The following LPP variants were observed in gnomAD, a reference collection of about 807,000 sequenced individuals.
LPP encodes the protein LIM domain containing preferred translocation partner in lipoma.
LPP carries 38 observed loss-of-function variants against 60.4 expected under a neutral mutation model. The ratio of observed to expected loss-of-function variants is 0.63; its 90% CI spans 0.49 to 0.83. The LOEUF is 0.83. Ranked by LOEUF, LPP falls within the 40% of genes least tolerant of loss-of-function variation. LPP has a pLI of 0.00. For missense variants in LPP, 902 were observed against 783.6 expected, an observed-to-expected ratio of 1.15 and a Z score of -1.80; for synonymous variants, 328 against 290.8, an observed-to-expected ratio of 1.13 and a Z score of -1.30.
chr3:188,471,010 G>A (rs1801707206), intron 4 of LPP, among the ~76,000 whole-genome samples: 1 of 152,154 alleles, frequency 6.6e-6, no homozygotes, highest in Non-Finnish European at 1.5e-5. Context: ...TTTTCAGAAT[G>A]AGATCTTGTC....
At chr3:188,866,411 C>T in intron 10 of LPP, 33 bp downstream of exon 10, 1 of 1,402,740 alleles carries the variant, frequency 7.1e-7, no homozygotes, top group South Asian at 1.8e-5. Flanking sequence ...ACCACCCTGC[C>T]AGTCCTTTTG....
At chr3:188,383,136 T>G (rs1560330077) in intron 3 of LPP, among the ~76,000 whole-genome samples, 1 of 152,196 alleles carries the variant, frequency 6.6e-6, no homozygotes, top group African/African-American at 2.4e-5. Flanking sequence ...ATTTTTAAAG[T>G]TTTTTGGATG....
intron 2 of LPP, among the ~76,000 whole-genome samples, chr3:188,327,139 A>T (rs1758641238): frequency 6.6e-6 from 1 of 152,158 alleles, no homozygotes; most frequent in South Asian, 2.1e-4. Context: ...TACAACACTG[A>T]TTTCATTCCT....
chr3:188,611,886 A>G (rs952553810), intron 7 of LPP, among the ~76,000 whole-genome samples: 7 of 152,178 alleles, frequency 4.6e-5, no homozygotes, highest in African/African-American at 1.7e-4. Context: ...CACTGCTAGA[A>G]CTGGATCTAA....
At chr3:188,766,946 T>C (rs58874247) in intron 9 of LPP, among the ~76,000 whole-genome samples, 46,425 of 152,042 alleles carry the variant, frequency 0.31, 7,457 homozygotes, top group South Asian at 0.56. Flanking sequence ...CCTTAACTAT[T>C]GGTTAGTACC....
At chr3:188,257,809 G>A (rs1577628909) in intron 2 of LPP, among the ~76,000 whole-genome samples, 1 of 152,316 alleles carries the variant, frequency 6.6e-6, no homozygotes, top group Non-Finnish European at 1.5e-5. Flanking sequence ...TTGCAAATAA[G>A]GAACTGGGGC....
intron 2 of LPP, among the ~76,000 whole-genome samples, chr3:188,323,410 T>G (rs889170866): frequency 3.3e-5 from 5 of 152,192 alleles, no homozygotes; most frequent in Admixed American, 6.5e-5. Context: ...ACCATGCATC[T>G]TCACAGATGA....
intron 2 of LPP, among the ~76,000 whole-genome samples, chr3:188,308,541 A>G (rs747807015): frequency 6.6e-6 from 1 of 152,192 alleles, no homozygotes; most frequent in African/African-American, 2.4e-5. Flanking sequence ...AACAACTGCT[A>G]TGGCCCAGGC....
intron 2 of LPP, among the ~76,000 whole-genome samples, chr3:188,245,690 TGTGTGTGCCCTGC>T (rs1165113818): frequency 6.6e-6 from 1 of 152,050 alleles, no homozygotes; most frequent in African/African-American, 2.4e-5. Flanking sequence ...ACGTTGCATT[TGTGTGTGCCCTGC>T]TTTTATTTAT....
intron 4 of LPP, among the ~76,000 whole-genome samples, chr3:188,451,389 C>T (rs1201470607): frequency 6.6e-6 from 1 of 152,144 alleles, no homozygotes; most frequent in Non-Finnish European, 1.5e-5. Flanking sequence ...GGAAAAAAAT[C>T]TCTTGAAAAT....
At chr3:188,394,653 T>A (rs75818338) in intron 3 of LPP, among the ~76,000 whole-genome samples, 1,570 of 152,168 alleles carry the variant, frequency 0.01, 32 homozygotes, top group African/African-American at 0.035. Context: ...TTTATATTTT[T>A]ACACAGTGGT....
chr3:188,522,276 A>T (rs1047551607), intron 5 of LPP, among the ~76,000 whole-genome samples: 3 of 152,194 alleles, frequency 2.0e-5, no homozygotes, highest in African/African-American at 7.2e-5. Context: ...TATCAATTTC[A>T]CAAGGCTAGC....
chr3:188,656,835 C>G (rs1853328022), intron 7 of LPP, among the ~76,000 whole-genome samples: 1 of 152,154 alleles, frequency 6.6e-6, no homozygotes, highest in African/African-American at 2.4e-5. Context: ...TGCCCAATAG[C>G]TCTGTGAAAG....
intron 8 of LPP, among the ~76,000 whole-genome samples, chr3:188,748,157 T>C (rs908788270): frequency 6.6e-6 from 1 of 152,202 alleles, no homozygotes. Flanking sequence ...AAATTTATTT[T>C]ACAGCAGTTT....
chr3:188,657,445 A>G (rs1853545946), intron 7 of LPP, among the ~76,000 whole-genome samples: 1 of 151,946 alleles, frequency 6.6e-6, no homozygotes, highest in Non-Finnish European at 1.5e-5. Context: ...TCGACATTAT[A>G]AATCATTGAT....
At chr3:188,651,532 A>T (rs1458339034) in intron 7 of LPP, among the ~76,000 whole-genome samples, 3 of 152,218 alleles carry the variant, frequency 2.0e-5, no homozygotes, top group Admixed American at 6.5e-5. Flanking sequence ...CACGCTGCTG[A>T]TAAAGACATA....
At chr3:188,865,090 C>T (rs911503573) in intron 9 of LPP, among the ~76,000 whole-genome samples, 10 of 152,186 alleles carry the variant, frequency 6.6e-5, no homozygotes, top group South Asian at 2.1e-4. Flanking sequence ...AGATCCACAT[C>T]CCGGGTTTAT....
At chr3:188,510,324 T>C (rs1815079424) in intron 5 of LPP, among the ~76,000 whole-genome samples, 2 of 151,908 alleles carry the variant, frequency 1.3e-5, no homozygotes. Context: ...GTGTACGTGC[T>C]CCAATAACCC....
intron 2 of LPP, among the ~76,000 whole-genome samples, chr3:188,284,105 A>G (rs748175736): frequency 9.2e-5 from 14 of 152,140 alleles, no homozygotes; most frequent in Non-Finnish European, 1.9e-4. Context: ...TAAAATCAGC[A>G]TCTCGGCCGG....
Sources: gnomAD v4.1 joint callset for allele counts (sites outside exome capture counted in the v4.1 genomes callset) on GRCh38, gnomAD v4.1.1 for gene constraint, MANE v1.5 for transcripts, NCBI Gene and HGNC (gene_info 2026-07-23, HGNC 2026-07-21) for gene names.